JARID2: variants seen among roughly 807,000 people sequenced by gnomAD.
JARID2 encodes the protein protein Jumonji.
Under a neutral mutation model 125.6 loss-of-function variants are expected in JARID2, and 21 were observed. That is an observed-to-expected ratio of 0.17 (90% CI 0.12 to 0.24). JARID2 has a LOEUF of 0.24. JARID2 is among the 10% of genes least tolerant of loss of function. The pLI is 1.00. For missense variants in JARID2, 1,303 were observed against 1,639.6 expected (o/e 0.79, Z 3.55); for synonymous variants, 736 against 661.6 (o/e 1.11, Z -1.73).
Position 15,520,554 on chromosome 6 carries a change from A to ATTTT in JARID2, c.*313_*316dup. On this transcript the variant is annotated 3_prime_UTR_variant, in exon 18 of 18. Transcript: ENST00000341776. ...ACAAAAGCCTTTTTTTTTGGTTTTG[A>ATTTT]TTTTTTTTTTTTTGTAACTGTTGGG... The ATTTT allele has an allele frequency of 8.0e-6, 2 of 249,070 alleles. No individual in the cohort carries two copies. Among genetic ancestry groups the ATTTT allele is most frequent in the East Asian group, 9.6e-5 (1 of 10,390 alleles). The allele number at this position is 249,070 out of a possible 1,614,324, so 15.4% of individuals were successfully genotyped here.
chr6:15,437,429 C>T (rs1238895877), intron 3 of JARID2, among the ~76,000 whole-genome samples: 7 of 152,152 alleles, frequency 4.6e-5, no homozygotes, highest in Non-Finnish European at 1.0e-4. Flanking sequence ...GTCCTTTACG[C>T]TTACATTGTG....
chr6:15,515,382 G>T lies in JARID2; in HGVS notation c.3451-1779G>T, dbSNP rs118082086. On this transcript the variant is annotated intron_variant, in intron 16 of 17. Transcript: ENST00000341776. ...GGCTGTATGGTAGTTACACCTGGGG[G>T]TGAAGCTGGTCTGTCCCTGTGAGGT... Among the ~76,000 whole-genome samples the T allele has an allele frequency of 3.2e-4, 48 of 152,282 alleles. No individual in the cohort carries two copies. In the East Asian group the frequency reaches 4.4e-3, roughly 14 times the overall value.
chr6:15,354,780 C>G (rs935508402), intron 1 of JARID2, among the ~76,000 whole-genome samples: 7 of 152,096 alleles, frequency 4.6e-5, no homozygotes, highest in African/African-American at 1.7e-4. Flanking sequence ...CCATAGAATA[C>G]CTACCCCTAC....
At chr6:15,316,776 A>G (rs1561788486) in intron 1 of JARID2, among the ~76,000 whole-genome samples, 1 of 152,190 alleles carries the variant, frequency 6.6e-6, no homozygotes, top group African/African-American at 2.4e-5. Flanking sequence ...TGCTGGGATT[A>G]CAGGCAAGAG....
intron 1 of JARID2, among the ~76,000 whole-genome samples, chr6:15,347,813 C>G (rs957083358): frequency 2.6e-5 from 4 of 152,004 alleles, no homozygotes; most frequent in Non-Finnish European, 5.9e-5. Context: ...TTCCTCCAGG[C>G]CTCAAGTGGA....
intron 2 of JARID2, among the ~76,000 whole-genome samples, chr6:15,374,481 T>C (rs1284269329): frequency 6.6e-6 from 1 of 152,254 alleles, no homozygotes; most frequent in African/African-American, 2.4e-5. Flanking sequence ...TAGTCTGTTC[T>C]GTAGGTCCTG....
chr6:15,454,185 C>T (rs1768047310), intron 4 of JARID2, among the ~76,000 whole-genome samples: 1 of 152,150 alleles, frequency 6.6e-6, no homozygotes, highest in African/African-American at 2.4e-5. Flanking sequence ...TGCTTCTCTG[C>T]TGCCCCCACG....
At chr6:15,494,117 A>G (rs1045450669) in intron 6 of JARID2, among the ~76,000 whole-genome samples, 3 of 152,212 alleles carry the variant, frequency 2.0e-5, no homozygotes, top group Middle Eastern at 3.2e-3. Flanking sequence ...TGTCCTACCA[A>G]GAATTTGTGG....
chr6:15,324,331 T>G (rs1762462343), intron 1 of JARID2: 1 of 152,180 alleles, frequency 6.6e-6, no homozygotes, highest in Admixed American at 6.5e-5. Flanking sequence ...TCTTGGAGTT[T>G]TATAATTTTT....
chr6:15,308,828 A>G (rs974228399), intron 1 of JARID2, among the ~76,000 whole-genome samples: 2 of 152,240 alleles, frequency 1.3e-5, no homozygotes, highest in Admixed American at 1.3e-4. Flanking sequence ...ATATTTTGTC[A>G]ACAGTAAATA....
At chr6:15,439,675 G>GTT (rs1199962939) in intron 3 of JARID2, among the ~76,000 whole-genome samples, 1 of 152,180 alleles carries the variant, frequency 6.6e-6, no homozygotes, top group Non-Finnish European at 1.5e-5. Flanking sequence ...CTTGAGTCCT[G>GTT]TTTAAGAGAT....
At chr6:15,413,909 A>G (rs1766013188) in intron 3 of JARID2, among the ~76,000 whole-genome samples, 7 of 152,188 alleles carry the variant, frequency 4.6e-5, no homozygotes, top group Admixed American at 4.6e-4. Context: ...TAGGTTTCCA[A>G]CACATGAACT....
Position 15,517,366 on chromosome 6 carries a change from G to GC in JARID2, c.3558+99dup, listed in dbSNP as rs1771613940. On this transcript the variant is annotated intron_variant, in intron 17 of 17. Transcript: ENST00000341776. ...CTCCGGCCTGGCAGTTCTGTGCCTG[G>GC]CGGGTAGTCAGGGCTCTGCAGGCCT... 3.6e-6 allele frequency: 3 copies of GC among 841,620 alleles called. No individual in the cohort carries two copies. The East Asian group carries it at 7.4e-5, about 21-fold the overall frequency. The allele number at this position is 841,620 out of a possible 1,614,324, so 52.1% of individuals were successfully genotyped here.
intron 3 of JARID2, among the ~76,000 whole-genome samples, chr6:15,448,477 C>T (rs1391267500): frequency 6.6e-6 from 1 of 152,150 alleles, no homozygotes; most frequent in South Asian, 2.1e-4. Context: ...AAGCTGTAAA[C>T]CCTTAACATC....
intron 2 of JARID2, among the ~76,000 whole-genome samples, chr6:15,397,678 G>T (rs1419348414): frequency 6.6e-6 from 1 of 152,236 alleles, no homozygotes; most frequent in African/African-American, 2.4e-5. Flanking sequence ...TGAGATTCCA[G>T]TGGTAACATT....
At position 15,415,972 on chromosome 6, in the gene JARID2, A is replaced by G. The variant is rs1375581831; in HGVS notation, c.323+5607A>G. On this transcript the variant is annotated intron_variant, in intron 3 of 17. Transcript: ENST00000341776. ...CGGAGGGTCTCCTCACTTCTCAGACAGGGCGGCTGGGCAGAGACGCTCCTC... is the reference window on the plus strand; with the variant it reads ...CGGAGGGTCTCCTCACTTCTCAGACGGGGCGGCTGGGCAGAGACGCTCCTC... Among the ~76,000 whole-genome samples, 12 of 137,800 alleles carry G rather than the reference A, an allele frequency of 8.7e-5. No homozygotes were observed. The South Asian group carries it at 2.4e-3, about 28-fold the overall frequency. The allele number at this position is 137,800 out of a possible 152,430, so 90.4% of individuals were successfully genotyped here.
At chr6:15,456,074 T>A (rs2299044) in intron 4 of JARID2, among the ~76,000 whole-genome samples, 1 of 152,210 alleles carries the variant, frequency 6.6e-6, no homozygotes, top group Non-Finnish European at 1.5e-5. Flanking sequence ...TTCTCAAAGG[T>A]AGAGAAGGAG....
chr6:15,248,178 G>C, intron 1 of JARID2: 1 of 751,202 alleles, frequency 1.3e-6, no homozygotes, highest in Non-Finnish European at 1.6e-6. Flanking sequence ...AATGCACCGG[G>C]AGCAGAGCCG....
chr6:15,498,816 CACCCACGCCCGCT>C (rs1486310171), intron 7 of JARID2, among the ~76,000 whole-genome samples: 3 of 152,214 alleles, frequency 2.0e-5, no homozygotes, highest in African/African-American at 7.2e-5. Context: ...CACACGCGTG[CACCCACGCCCGCT>C]GACCACGCCC....
Sources: allele counts gnomAD v4.1 joint callset (sites outside exome capture counted in the v4.1 genomes callset), GRCh38; gene constraint gnomAD v4.1.1; transcripts MANE v1.5; gene names NCBI Gene and HGNC (gene_info 2026-07-23, HGNC 2026-07-21).